Variants in ZMIZ2 observed in about 807,000 individuals in gnomAD.
ZMIZ2 encodes zinc finger MIZ domain-containing protein 2.
ZMIZ2 carries 26 observed loss-of-function variants against 93.9 expected under a neutral mutation model. That is an observed-to-expected ratio of 0.28 (90% CI 0.20 to 0.38). ZMIZ2 has a LOEUF of 0.38. Ranked by LOEUF, ZMIZ2 falls within the 10% of genes least tolerant of loss-of-function variation. The pLI is 1.00. For missense variants in ZMIZ2, 1,023 were observed against 1,235.0 expected (o/e 0.83, Z 2.57); for synonymous variants, 485 against 516.4 (o/e 0.94, Z 0.82).
At chr7:44,759,539 C>G (rs560092341) in intron 7 of ZMIZ2, 79 bp downstream of exon 7, 1 of 1,286,334 alleles carries the variant, frequency 7.8e-7, no homozygotes, top group African/African-American at 1.5e-5. Flanking sequence ...GCAGTCCTGT[C>G]CTCGAGAGCG....
intron 6 of ZMIZ2, 76 bp from the exon 7 acceptor site, chr7:44,759,205 T>G (rs1449738704): frequency 2.4e-4 from 326 of 1,343,618 alleles, no homozygotes; most frequent in Middle Eastern, 7.8e-4. Flanking sequence ...CTGCCACACA[T>G]GAGACTCTAC....
In ZMIZ2 at chr7:44,763,004, C is replaced by T; in HGVS notation, c.1702+18C>T. 6.2e-7 allele frequency: 1 copy of T among 1,600,444 alleles called. No individual in the cohort carries two copies. ...CACCAAGAGTGAGTGGCTCCTGCCC[C>T]TCAGCTGCCAGGCAGCCATCCCCAT... On this transcript the variant is annotated intron_variant, in intron 12 of 18. Transcript: ENST00000309315. This position sits in a 1 kb window ranked among gnomAD's most constrained non-coding sequence, Gnocchi z 5.6.
intron 1 of ZMIZ2, among the ~76,000 whole-genome samples, chr7:44,753,585 G>A (rs1790343332): frequency 6.6e-6 from 1 of 152,162 alleles, no homozygotes; most frequent in Non-Finnish European, 1.5e-5. Flanking sequence ...TCCTTTGTTG[G>A]ATATGCAGCT....
At chr7:44,760,366 A>G in intron 8 of ZMIZ2, 59 bp from the exon 9 acceptor site, 1 of 1,596,682 alleles carries the variant, frequency 6.3e-7, no homozygotes, top group Non-Finnish European at 8.6e-7. Context: ...CGCCGTGAAC[A>G]GACTCCACTC....
In ZMIZ2 at chr7:44,761,812, C is replaced by G. The variant is rs760373918; in HGVS notation, c.1503C>G (p.Gly501=). ...VNATPLTIER[G]DNKTSHKPLY... ...CCACGCCGCTCACCATCGAGCGTGG[C>G]GACAACAAGACCTCGCACAAGCCAC... is the stretch of plus-strand genomic sequence containing the variant. Residue 501 remains glycine (G), a synonymous_variant, in exon 11 of 19, where the codon GGC becomes GGG. Coordinates refer to ENST00000309315, the MANE Select transcript of ZMIZ2 (RefSeq NM_031449.4). The surrounding 1 kb of genome is among the most constrained non-coding windows in gnomAD (Gnocchi z 5.8). The G allele has an allele frequency of 1.9e-6, 3 of 1,613,752 alleles. No individual in the cohort carries two copies. The highest frequency in any genetic ancestry group is 2.2e-5 in the South Asian group (2 of 91,084).
Position 44,767,772 on chromosome 7 carries a change from T to A in ZMIZ2, c.*149T>A. The A allele has an allele frequency of 1.4e-6, 1 of 705,922 alleles. No individual in the cohort carries two copies. Among genetic ancestry groups the A allele is most frequent in the Non-Finnish European group, 2.4e-6 (1 of 414,366 alleles). The allele number at this position is 705,922 out of a possible 1,614,324, so 43.7% of individuals were successfully genotyped here. Reference sequence around the variant, plus strand: ...AGCCAGAGCCTTCTGCCGCCAGCCCTGCCCCTGAATTGGAAGCAGCCCTGT... The same window carrying A: ...AGCCAGAGCCTTCTGCCGCCAGCCCAGCCCCTGAATTGGAAGCAGCCCTGT... On this transcript the variant is annotated 3_prime_UTR_variant, in exon 19 of 19. Transcript: ENST00000309315.
At position 44,756,258 on chromosome 7, in the gene ZMIZ2, C is replaced by T; in HGVS notation, c.9C>T (p.Ser3=). 6.2e-7 allele frequency: 1 copy of T among 1,614,026 alleles called. No homozygotes were observed. The highest frequency in any genetic ancestry group is 8.5e-7 in the Non-Finnish European group (1 of 1,179,990). Residue 3 remains serine, a synonymous_variant, in exon 2 of 19, where the codon TCC becomes TCT. Coordinates refer to ENST00000309315, the MANE Select transcript of ZMIZ2 (RefSeq NM_031449.4). ...AGGCTGCTCCATTGCCAATGAACTC[C>T]ATGAACCCCATGAAACCTGCCCTGC... is the stretch of plus-strand genomic sequence containing the variant. MN[S]MNPMKPALPP...
intron 11 of ZMIZ2, 55 bp from the exon 12 acceptor site, chr7:44,762,825 GC>G: frequency 6.8e-7 from 1 of 1,480,472 alleles, no homozygotes; most frequent in South Asian, 1.3e-5. Flanking sequence ...CCTTTACCTG[GC>G]CAGGGTGGCC....
At position 44,763,157 on chromosome 7, in the gene ZMIZ2, A is replaced by C; in HGVS notation, c.1703-99A>C. On this transcript the variant is annotated intron_variant, in intron 12 of 18. Transcript: ENST00000309315. The surrounding 1 kb of genome is among the most constrained non-coding windows in gnomAD (Gnocchi z 5.6). Reference sequence around the variant, plus strand: ...TTCCAGGTGGCCCCTCAGAGCTGTCAGTGGGTCAGTGACTGGGTCCCTGCC... The same window carrying C: ...TTCCAGGTGGCCCCTCAGAGCTGTCCGTGGGTCAGTGACTGGGTCCCTGCC... 1.3e-6 allele frequency: 2 copies of C among 1,540,284 alleles called. No individual in the cohort carries two copies. Among genetic ancestry groups the C allele is most frequent in the Non-Finnish European group, 1.8e-6 (2 of 1,131,698 alleles).
Position 44,761,296 on chromosome 7 carries a change from C to T in ZMIZ2, c.1241-153C>T. 1 of 773,586 alleles carries T rather than the reference C, an allele frequency of 1.3e-6. No individual in the cohort carries two copies. Among genetic ancestry groups the T allele is most frequent in the East Asian group, 1.3e-4 (1 of 7,856 alleles). 47.9% of individuals were successfully genotyped at this position (773,586 alleles called of 1,614,324 possible). A position where few individuals can be genotyped will look rare whatever the true frequency, so the allele number is the denominator to read the frequency against. Reference sequence around the variant, plus strand: ...GCCCATGGCCCCAGCCCCAGGGCACCACTCAGGCCTGCCAAGCAGTGCCTG... The same window carrying T: ...GCCCATGGCCCCAGCCCCAGGGCACTACTCAGGCCTGCCAAGCAGTGCCTG... On this transcript the variant is annotated intron_variant, in intron 9 of 18. Coordinates refer to ENST00000309315, the MANE Select transcript of ZMIZ2 (RefSeq NM_031449.4). This position sits in a 1 kb window ranked among gnomAD's most constrained non-coding sequence, Gnocchi z 5.8.
At chr7:44,755,251 A>G (rs955342226) in intron 1 of ZMIZ2, among the ~76,000 whole-genome samples, 2 of 152,032 alleles carry the variant, frequency 1.3e-5, no homozygotes, top group African/African-American at 2.4e-5. Flanking sequence ...AGTCACTTCA[A>G]TGTCTCCCCA....
Position 44,767,900 on chromosome 7 carries a change from T to C in ZMIZ2, c.*277T>C, listed in dbSNP as rs1049917561. 9.8e-6 allele frequency: 5 copies of C among 509,138 alleles called. No homozygotes were observed. The highest frequency in any genetic ancestry group is 8.1e-5 in the African/African-American group (4 of 49,448). The allele number at this position is 509,138 out of a possible 1,614,324, so 31.5% of individuals were successfully genotyped here. On this transcript the variant is annotated 3_prime_UTR_variant, in exon 19 of 19. Coordinates refer to ENST00000309315, the MANE Select transcript of ZMIZ2 (RefSeq NM_031449.4). ...GCTGAGGTGCCCCTGCCCAGCCCTG[T>C]CCAGCCTTGTCCACACACACATCTC... is the stretch of plus-strand genomic sequence containing the variant.
intron 1 of ZMIZ2, chr7:44,750,960 T>C (rs776645297): frequency 1.3e-5 from 2 of 152,140 alleles, no homozygotes; most frequent in Non-Finnish European, 2.9e-5. Flanking sequence ...CAGAACACTA[T>C]CCTATCATCA....
At position 44,757,090 on chromosome 7, in the gene ZMIZ2, C is replaced by T. The variant is rs752575132; in HGVS notation, c.309C>T (p.Tyr103=). 54 of 1,606,774 alleles carry T rather than the reference C, an allele frequency of 3.4e-5. No homozygotes were observed. The highest frequency in any genetic ancestry group is 1.1e-4 in the African/African-American group (8 of 74,540). The part of the protein sequence containing the change: ...AFAEGGANKG[Y]VQQGVYSRGG... ...CTGAAGGCGGCGCCAACAAGGGCTA[C>T]GTGCAGCAAGGCGTGTACAGCCGCG... The change falls in exon 4 of 19, where the codon TAC becomes TAT. Residue 103 remains tyrosine (Y), a synonymous_variant. Coordinates refer to ENST00000309315, the MANE Select transcript of ZMIZ2 (RefSeq NM_031449.4).
chr7:44,769,092 G>A lies in ZMIZ2; in HGVS notation c.*1469G>A, dbSNP rs1414699581. 6.5e-6 allele frequency: 1 copy of A among 152,728 alleles called. No individual in the cohort carries two copies. The highest frequency in any genetic ancestry group is 2.4e-5 in the African/African-American group (1 of 41,464). The allele number at this position is 152,728 out of a possible 1,614,324, so 9.5% of individuals were successfully genotyped here. On this transcript the variant is annotated 3_prime_UTR_variant, in exon 19 of 19. Coordinates refer to ENST00000309315, the MANE Select transcript of ZMIZ2 (RefSeq NM_031449.4). Reference sequence around the variant, plus strand: ...TCTTGTCCCTGGGAGGCCTCTGCTTGTCACTTCCCAGAGATTGCAGAGGTG... The same window carrying A: ...TCTTGTCCCTGGGAGGCCTCTGCTTATCACTTCCCAGAGATTGCAGAGGTG...
Position 44,765,490 on chromosome 7 carries a change from AGAT to A in ZMIZ2, c.2157_2159del (p.Met719del). ...CACGTGCTCATGCCCAGCGTGATGGAGATGATCGCCGCCCTGGGCCCCGGCGCT... is the reference window on the plus strand; with the variant it reads ...CACGTGCTCATGCCCAGCGTGATGGAGATCGCCGCCCTGGGCCCCGGCGCT... On this transcript the variant is annotated inframe_deletion, in exon 16 of 19. Coordinates refer to ENST00000309315, the MANE Select transcript of ZMIZ2 (RefSeq NM_031449.4). This position sits in a 1 kb window ranked among gnomAD's most constrained non-coding sequence, Gnocchi z 4.1. The A allele has an allele frequency of 6.2e-7, 1 of 1,600,956 alleles. No individual in the cohort carries two copies. Among genetic ancestry groups the A allele is most frequent in the South Asian group, 1.1e-5 (1 of 91,046 alleles).
At position 44,766,785 on chromosome 7, in the gene ZMIZ2, A is replaced by C; in HGVS notation, c.2655+122A>C. On this transcript the variant is annotated intron_variant, in intron 18 of 18. Transcript: ENST00000309315. The surrounding 1 kb of genome is among the most constrained non-coding windows in gnomAD (Gnocchi z 4.4). ...CTCAGAGAGCCGGTCAGATAAGGTC[A>C]ACTAAATGCAGCTTTTGTTCATGAA... 9 of 1,454,612 alleles carry C rather than the reference A, an allele frequency of 6.2e-6. No individual in the cohort carries two copies. Among genetic ancestry groups the C allele is most frequent in the Non-Finnish European group, 8.3e-6 (9 of 1,085,818 alleles). 90.1% of individuals were successfully genotyped at this position (1,454,612 alleles called of 1,614,324 possible). A position where few individuals can be genotyped will look rare whatever the true frequency, so the allele number is the denominator to read the frequency against.
At position 44,769,757 on chromosome 7, in the gene ZMIZ2, A is replaced by T. The variant is rs938263004; in HGVS notation, c.*2134A>T. 1 of 152,336 alleles carries T rather than the reference A, an allele frequency of 6.6e-6. No individual in the cohort carries two copies. The highest frequency in any genetic ancestry group is 2.4e-5 in the African/African-American group (1 of 41,468). The allele number at this position is 152,336 out of a possible 1,614,324, so 9.4% of individuals were successfully genotyped here. ...CCATCCTCAGAAGACTGGAGAAATG[A>T]TTGAGGAATGCATGGGCACCGTGGC... On this transcript the variant is annotated 3_prime_UTR_variant, in exon 19 of 19. Transcript: ENST00000309315.
intron 1 of ZMIZ2, among the ~76,000 whole-genome samples, chr7:44,753,165 C>T (rs1295331297): frequency 6.7e-6 from 1 of 150,054 alleles, no homozygotes; most frequent in African/African-American, 2.4e-5. Context: ...GGCAAAGTGT[C>T]TCTTTATGTT....
Sources: gnomAD v4.1 joint callset for allele counts (sites outside exome capture counted in the v4.1 genomes callset) on GRCh38, gnomAD v4.1.1 for gene constraint, Gnocchi (gnomAD v3.1) non-coding constraint, MANE v1.5 for transcripts, NCBI Gene and HGNC (gene_info 2026-07-23, HGNC 2026-07-21) for gene names.